Variants in GPR143 observed in about 807,000 individuals in gnomAD.
The protein encoded by GPR143 is G-protein coupled receptor 143.
GPR143 carries 8 observed loss-of-function variants against 27.6 expected under a neutral mutation model. The observed-to-expected ratio is 0.29, with a 90% CI of 0.17 to 0.52. The LOEUF (loss-of-function observed/expected upper bound fraction) is 0.52. Ranked by LOEUF, GPR143 falls within the 20% of genes least tolerant of loss-of-function variation. The pLI is 0.96. For missense variants in GPR143, 303 were observed against 343.1 expected (o/e 0.88, Z 0.92); for synonymous variants, 156 against 153.2 (o/e 1.02, Z -0.13).
At position 9,774,002 on chromosome X, in the gene GPR143, C is replaced by T. The variant is rs753296301; in HGVS notation, c.-3+12240G>A. 3.6e-5 allele frequency among the ~76,000 whole-genome samples: 4 copies of T among 109,820 alleles called. No individual in the cohort carries two copies. In the East Asian group the frequency reaches 1.2e-3, roughly 32 times the overall value. ...TTGTTCAATCAAAAGTCAGCAAACC[C>T]AGCCAGATGCAATGGTTCACACCTC... On this transcript the variant is annotated intron_variant, in intron 1 of 7. Coordinates refer to the GPR143 transcript ENST00000447366.
chrX:9,771,757 G>A (rs757315942), intron 1 of GPR143, among the ~76,000 whole-genome samples: 2 of 98,950 alleles, frequency 2.0e-5, no homozygotes, highest in African/African-American at 7.7e-5. Context: ...TGCCCAGGCT[G>A]TGGCAATAGA....
At chrX:9,729,377 C>T (rs2146676848) in intron 8 of GPR143, among the ~76,000 whole-genome samples, 1 of 111,712 alleles carries the variant, frequency 9.0e-6, no homozygotes, top group Non-Finnish European at 1.9e-5. Flanking sequence ...GGACTGAGGA[C>T]ACTCCCCCGT....
chrX:9,751,072 G>A (rs1253517979), intron 3 of GPR143, among the ~76,000 whole-genome samples: 2 of 112,580 alleles, frequency 1.8e-5, no homozygotes, highest in Non-Finnish European at 3.8e-5. Context: ...TTAACTAGCT[G>A]CATCACCTCG....
intron 8 of GPR143, among the ~76,000 whole-genome samples, chrX:9,730,711 G>A (rs1339054463): frequency 8.9e-6 from 1 of 112,188 alleles, no homozygotes; most frequent in East Asian, 2.8e-4. Context: ...GCAAATTATG[G>A]AGGGGAAGAG....
At chrX:9,759,459 T>G in intron 2 of GPR143, 33 bp from the exon 3 acceptor site, 1 of 983,463 alleles carries the variant, frequency 1.0e-6, no homozygotes, top group Middle Eastern at 2.5e-4. Flanking sequence ...TCAAAATGTC[T>G]GGAAACAGGT....
intron 1 of GPR143, among the ~76,000 whole-genome samples, chrX:9,778,370 GTCTT>G (rs1217450487): frequency 9.0e-6 from 1 of 111,552 alleles, no homozygotes; most frequent in African/African-American, 3.3e-5. Context: ...TCGCTCCCAC[GTCTT>G]TCTGACAGAG....
At chrX:9,777,476 G>A (rs749037585) in intron 1 of GPR143, among the ~76,000 whole-genome samples, 2 of 111,641 alleles carry the variant, frequency 1.8e-5, no homozygotes, top group South Asian at 3.7e-4. Flanking sequence ...TCAAAATCCC[G>A]TACGTATCGT....
rs1363868217 is a variant in GPR143 at position 9,725,510 on chromosome X, C to A, written c.*236G>T. The A allele has an allele frequency of 2.8e-5, 10 of 358,968 alleles. No homozygotes were observed. In the East Asian group the frequency reaches 4.1e-4, roughly 15 times the overall value. The allele number at this position is 358,968 out of a possible 1,213,427, so 29.6% of individuals were successfully genotyped here. On this transcript the variant is annotated 3_prime_UTR_variant, in exon 9 of 9. Coordinates refer to ENST00000467482, the MANE Select transcript of GPR143 (RefSeq NM_000273.3). ...GAAAACTTCCTAGTGGCAACTAAGG[C>A]TAGAGCAGCTGTAGAGTGGTCTGGA...
At chrX:9,728,261 C>T (rs186181351) in intron 8 of GPR143, among the ~76,000 whole-genome samples, 1 of 110,664 alleles carries the variant, frequency 9.0e-6, no homozygotes, top group Non-Finnish European at 1.9e-5. Flanking sequence ...AGTACAGTCA[C>T]ATAGGTGCCT....
intron 3 of GPR143, among the ~76,000 whole-genome samples, chrX:9,756,060 C>T (rs1425237634): frequency 8.9e-6 from 1 of 111,929 alleles, no homozygotes; most frequent in Non-Finnish European, 1.9e-5. Context: ...ATGATGTGAT[C>T]TACATAAGGA....
At chrX:9,760,177 C>T (rs1042221881) in intron 2 of GPR143, among the ~76,000 whole-genome samples, 3 of 111,658 alleles carry the variant, frequency 2.7e-5, no homozygotes, top group East Asian at 2.8e-4. Flanking sequence ...CTGCAACCTC[C>T]GCCTCCCGGG....
intron 8 of GPR143, among the ~76,000 whole-genome samples, chrX:9,737,757 C>G (rs1194266276): frequency 8.9e-6 from 1 of 112,106 alleles, no homozygotes. Flanking sequence ...AGCCTATTAT[C>G]CCAGCACTTT....
intron 1 of GPR143, among the ~76,000 whole-genome samples, chrX:9,774,778 T>C (rs1390960281): frequency 8.9e-6 from 1 of 112,749 alleles, no homozygotes; most frequent in East Asian, 2.8e-4. Flanking sequence ...GCTTAGTGTT[T>C]GGACTTGAAC....
intron 1 of GPR143, among the ~76,000 whole-genome samples, chrX:9,777,791 TAA>T (rs35241287): frequency 5.2e-5 from 5 of 95,584 alleles, no homozygotes; most frequent in Admixed American, 1.2e-4. Flanking sequence ...TCCATCTCTT[TAA>T]AAAAAAAAAA....
chrX:9,742,527 C>A (rs1265865324), intron 6 of GPR143, among the ~76,000 whole-genome samples: 1 of 111,961 alleles, frequency 8.9e-6, no homozygotes, highest in African/African-American at 3.2e-5. Context: ...CTACCACGAC[C>A]CGCGCAGGTG....
intron 1 of GPR143, among the ~76,000 whole-genome samples, chrX:9,778,332 G>C (rs996367297): frequency 9.0e-6 from 1 of 111,289 alleles, no homozygotes; most frequent in Non-Finnish European, 1.9e-5. Context: ...GCAGGCTAAC[G>C]GCAAGCCACA....
chrX:9,761,954 GCAC>G (rs2083503644), intron 1 of GPR143, among the ~76,000 whole-genome samples: 2 of 112,047 alleles, frequency 1.8e-5, no homozygotes, highest in Non-Finnish European at 3.8e-5. Context: ...GGAGGTGGTG[GCAC>G]GCGCCTGTGG....
At chrX:9,777,858 A>G (rs1280318870) in intron 1 of GPR143, among the ~76,000 whole-genome samples, 12 of 109,106 alleles carry the variant, frequency 1.1e-4, no homozygotes, top group African/African-American at 4.0e-4. Flanking sequence ...TGGGAGGCCG[A>G]GGCGGGAGGA....
upstream of GPR143, among the ~76,000 whole-genome samples, chrX:9,769,058 G>C (rs1226610559): frequency 8.9e-6 from 1 of 112,070 alleles, no homozygotes; most frequent in African/African-American, 3.2e-5. Context: ...TTGGGAGGCA[G>C]AAACATCTGG....
Sources: allele counts gnomAD v4.1 joint callset (sites outside exome capture counted in the v4.1 genomes callset), GRCh38; gene constraint gnomAD v4.1.1; transcripts MANE v1.5; gene names NCBI Gene and HGNC (gene_info 2026-07-23, HGNC 2026-07-21).